The following ADGRL3 variants were observed in gnomAD, a reference collection of about 807,000 sequenced individuals.
ADGRL3 encodes calcium-independent alpha-latrotoxin receptor 3.
Under a neutral mutation model 153.5 loss-of-function variants are expected in ADGRL3, and 62 were observed. That is an observed-to-expected ratio of 0.40 (90% confidence interval 0.33 to 0.50). The LOEUF (loss-of-function observed/expected upper bound fraction) is 0.50. ADGRL3 is among the 20% of genes least tolerant of loss of function. The pLI, the probability that ADGRL3 is intolerant of heterozygous loss-of-function variation, is 0.47. For missense variants in ADGRL3, 1,641 were observed against 1,859.4 expected (o/e 0.88, Z 2.16); for synonymous variants, 710 against 672.5 (o/e 1.06, Z -0.86).
intron 6 of ADGRL3, among the ~76,000 whole-genome samples, chr4:61,689,719 A>G (rs1470650384): frequency 2.6e-5 from 4 of 152,162 alleles, no homozygotes; most frequent in African/African-American, 9.6e-5. Flanking sequence ...TCAGTATTCA[A>G]AATGATCCTG....
At chr4:61,465,758 A>AATAAATAAATAT (rs71664991) in intron 2 of ADGRL3, among the ~76,000 whole-genome samples, 1 of 130,178 alleles carries the variant, frequency 7.7e-6, no homozygotes, top group African/African-American at 2.7e-5. Flanking sequence ...ATTATATATA[A>AATAAATAAATAT]ATATATATAT....
intron 5 of ADGRL3, among the ~76,000 whole-genome samples, chr4:61,670,004 A>C (rs967743699): frequency 6.6e-6 from 1 of 152,176 alleles, no homozygotes; most frequent in Admixed American, 6.6e-5. Flanking sequence ...ATTTCACTTA[A>C]ATTATTTTAG....
At chr4:61,637,418 T>C (rs1430971919) in intron 5 of ADGRL3, among the ~76,000 whole-genome samples, 1 of 152,152 alleles carries the variant, frequency 6.6e-6, no homozygotes, top group Non-Finnish European at 1.5e-5. Context: ...TTAGCCACCT[T>C]GTTTGGTACT....
At chr4:61,220,856 G>A (rs1012109203) in intron 1 of ADGRL3, among the ~76,000 whole-genome samples, 1 of 152,146 alleles carries the variant, frequency 6.6e-6, no homozygotes, top group Non-Finnish European at 1.5e-5. Flanking sequence ...CGTCAGATAA[G>A]CATGCCAGAA....
intron 17 of ADGRL3, among the ~76,000 whole-genome samples, chr4:61,953,876 T>C (rs2098956517): frequency 6.6e-6 from 1 of 152,220 alleles, no homozygotes; most frequent in Admixed American, 6.5e-5. Context: ...TTGCCTTGGG[T>C]ACACTACTCC....
chr4:61,897,375 T>A (rs750617658), intron 11 of ADGRL3, among the ~76,000 whole-genome samples: 7 of 152,220 alleles, frequency 4.6e-5, no homozygotes, highest in Non-Finnish European at 8.8e-5. Flanking sequence ...GCATTCTGAA[T>A]CAGCTTATGT....
At chr4:61,963,473 A>G (rs1434297055) in intron 17 of ADGRL3, among the ~76,000 whole-genome samples, 1 of 152,112 alleles carries the variant, frequency 6.6e-6, no homozygotes, top group Non-Finnish European at 1.5e-5. Flanking sequence ...GTTTATGTGT[A>G]GTCGATATTT....
At chr4:61,502,309 A>G (rs957255696) in intron 3 of ADGRL3, among the ~76,000 whole-genome samples, 3 of 152,120 alleles carry the variant, frequency 2.0e-5, no homozygotes, top group Non-Finnish European at 4.4e-5. Flanking sequence ...TATTTCAACT[A>G]CATCTCAGCT....
At chr4:61,867,540 A>ATATATATATATATATATATATATAT (rs201200813) in intron 9 of ADGRL3, among the ~76,000 whole-genome samples, 521 of 131,692 alleles carry the variant, frequency 4.0e-3, no homozygotes, top group Non-Finnish European at 6.4e-3. Context: ...ATATATATAT[A>ATATATATATATATATATATATATAT]ATTGTAGGAG....
At chr4:61,250,816 G>A (rs1194612221) in intron 1 of ADGRL3, among the ~76,000 whole-genome samples, 2 of 152,108 alleles carry the variant, frequency 1.3e-5, no homozygotes, top group East Asian at 1.9e-4. Context: ...TCACTTAAAT[G>A]CCTAAAGACT....
chr4:61,244,506 G>C (rs544357269), intron 1 of ADGRL3, among the ~76,000 whole-genome samples: 1 of 151,970 alleles, frequency 6.6e-6, no homozygotes, highest in South Asian at 2.1e-4. Flanking sequence ...TATATGACAT[G>C]AATTTATATC....
intron 5 of ADGRL3, among the ~76,000 whole-genome samples, chr4:61,601,449 A>G (rs2099011139): frequency 6.6e-6 from 1 of 152,240 alleles, no homozygotes; most frequent in African/African-American, 2.4e-5. Context: ...AATATGAATG[A>G]GCTCTACTCA....
intron 5 of ADGRL3, among the ~76,000 whole-genome samples, chr4:61,589,914 C>T (rs1216201436): frequency 3.3e-5 from 5 of 152,092 alleles, no homozygotes; most frequent in Admixed American, 3.3e-4. Flanking sequence ...TTCAGTAGAG[C>T]TTTGCAATCT....
intron 2 of ADGRL3, among the ~76,000 whole-genome samples, chr4:61,404,717 G>T (rs1375521454): frequency 6.6e-6 from 1 of 151,982 alleles, no homozygotes; most frequent in Non-Finnish European, 1.5e-5. Context: ...TCAATACCAT[G>T]TTCACTTTTG....
chr4:61,623,294 A>G (rs542593392), intron 5 of ADGRL3, among the ~76,000 whole-genome samples: 2 of 152,036 alleles, frequency 1.3e-5, no homozygotes, highest in African/African-American at 2.4e-5. Flanking sequence ...ACCAGTTCTC[A>G]CTCAGCAATG....
At chr4:61,248,711 G>GAA (rs1758032458) in intron 1 of ADGRL3, among the ~76,000 whole-genome samples, 1 of 152,084 alleles carries the variant, frequency 6.6e-6, no homozygotes, top group Admixed American at 6.6e-5. Context: ...TCAAAGTGAA[G>GAA]AAAAATAGAG....
chr4:61,752,495 T>TCA (rs151237324), intron 8 of ADGRL3, among the ~76,000 whole-genome samples: 13,190 of 152,214 alleles, frequency 0.087, 1,202 homozygotes, highest in African/African-American at 0.23. Flanking sequence ...CAGATTTCTC[T>TCA]GTGTTCCTTC....
At chr4:61,648,853 A>G (rs2094142319) in intron 5 of ADGRL3, among the ~76,000 whole-genome samples, 1 of 152,006 alleles carries the variant, frequency 6.6e-6, no homozygotes, top group Non-Finnish European at 1.5e-5. Flanking sequence ...TTGAGGCCTA[A>G]TGGATGTGGT....
intron 17 of ADGRL3, among the ~76,000 whole-genome samples, chr4:61,949,117 G>C (rs576210805): frequency 1.3e-5 from 2 of 152,086 alleles, no homozygotes; most frequent in African/African-American, 2.4e-5. Context: ...AAATGTATGG[G>C]GTTGAAAACT....
Sources: allele counts gnomAD v4.1 joint callset (sites outside exome capture counted in the v4.1 genomes callset), GRCh38; gene constraint gnomAD v4.1.1; transcripts MANE v1.5; gene names NCBI Gene and HGNC (gene_info 2026-07-23, HGNC 2026-07-21).